The following FOXK1 variants were observed in gnomAD, a reference collection of about 807,000 sequenced individuals.
The protein encoded by FOXK1 is forkhead box protein K1.
FOXK1 carries 19 observed loss-of-function variants against 51.9 expected under a neutral mutation model. The ratio of observed to expected loss-of-function variants is 0.37; its 90% CI spans 0.26 to 0.54. FOXK1 has a LOEUF of 0.54. Ranked by LOEUF, FOXK1 falls within the 20% of genes least tolerant of loss-of-function variation. The pLI is 0.87. For missense variants in FOXK1, 870 were observed against 1,032.7 expected, an observed-to-expected ratio of 0.84 and a Z score of 2.16; for synonymous variants, 537 against 482.6, an observed-to-expected ratio of 1.11 and a Z score of -1.48.
intron 1 of FOXK1, among the ~76,000 whole-genome samples, chr7:4,697,741 CTG>C (rs57978112): frequency 0.22 from 29,225 of 134,892 alleles, 3,043 homozygotes; most frequent in East Asian, 0.33. Flanking sequence ...GAAAGATAGG[CTG>C]TGTGTGTGTG....
rs1457462961 is a variant in FOXK1, at chr7:4,709,241, C to A, written c.560+26373C>A. On this transcript the variant is annotated intron_variant, in intron 1 of 8. Coordinates refer to ENST00000328914, the MANE Select transcript of FOXK1 (RefSeq NM_001037165.2). This position sits in a 1 kb window ranked among gnomAD's most constrained non-coding sequence, Gnocchi z 5.6. ...GCTATTTGCTGCCTGGCATCCCCAC[C>A]CTGTCATCCCGAGAATCCCACTGCA... Among the ~76,000 whole-genome samples, 1 of 152,146 alleles carries A rather than the reference C, an allele frequency of 6.6e-6. No homozygotes were observed. The highest frequency in any genetic ancestry group is 1.9e-4 in the East Asian group (1 of 5,196).
chr7:4,696,134 A>AT (rs1267001325), intron 1 of FOXK1, among the ~76,000 whole-genome samples: 1 of 147,542 alleles, frequency 6.8e-6, no homozygotes. Context: ...AAAAAAAAAA[A>AT]GAATCTTGTG....
intron 1 of FOXK1, among the ~76,000 whole-genome samples, chr7:4,693,153 G>A (rs1779915034): frequency 1.3e-5 from 2 of 152,110 alleles, no homozygotes; most frequent in South Asian, 4.1e-4. Context: ...TTGGCCATTG[G>A]CAAGAATATT....
At chr7:4,684,922 C>T (rs755905734) in intron 1 of FOXK1, among the ~76,000 whole-genome samples, 28 of 151,606 alleles carry the variant, frequency 1.8e-4, no homozygotes, top group Middle Eastern at 3.4e-3. Context: ...GAAATGTTAT[C>T]GGTGTATACA....
Position 4,762,802 on chromosome 7 carries a change from C to T in FOXK1, c.*338C>T, listed in dbSNP as rs1780954261. ...CAGCATCTTGAGGAATGTGTCAAGA[C>T]AGCCCCTCCGCTCCGCGCTGCACGG... On this transcript the variant is annotated 3_prime_UTR_variant, in exon 9 of 9. Coordinates refer to ENST00000328914, the MANE Select transcript of FOXK1 (RefSeq NM_001037165.2). The surrounding 1 kb of genome is among the most constrained non-coding windows in gnomAD (Gnocchi z 5.7). 1.0e-4 allele frequency: 33 copies of T among 316,578 alleles called. No homozygotes were observed. The South Asian group carries it at 1.2e-3, about 11-fold the overall frequency. The allele number at this position is 316,578 out of a possible 1,614,324, so 19.6% of individuals were successfully genotyped here. A position where few individuals can be genotyped will look rare whatever the true frequency, so the allele number is the denominator to read the frequency against.
intron 1 of FOXK1, among the ~76,000 whole-genome samples, chr7:4,691,942 CA>C (rs1483225959): frequency 6.6e-6 from 1 of 152,154 alleles, no homozygotes. Flanking sequence ...CAGCAATTCC[CA>C]GATTTGTTTT....
intron 1 of FOXK1, among the ~76,000 whole-genome samples, chr7:4,689,225 A>G (rs1779860167): frequency 1.3e-5 from 2 of 151,712 alleles, no homozygotes; most frequent in South Asian, 4.2e-4. Context: ...TGATCCGCCC[A>G]CCTCAGCCTC....
intron 1 of FOXK1, among the ~76,000 whole-genome samples, chr7:4,701,625 G>A (rs768677889): frequency 2.0e-4 from 31 of 152,234 alleles, no homozygotes; most frequent in Non-Finnish European, 3.8e-4. Context: ...AGGCGCAGTG[G>A]CTCACGCCTG....
At position 4,749,232 on chromosome 7, in the gene FOXK1, C is replaced by T. The variant is rs930964134; in HGVS notation, c.747-5227C>T. ...CCTACAGAGACGGCATCGTTACCTC[C>T]CTAGGGACGGGAACCATGTTTCATC... On this transcript the variant is annotated intron_variant, in intron 2 of 8. Coordinates refer to ENST00000328914, the MANE Select transcript of FOXK1 (RefSeq NM_001037165.2). This position sits in a 1 kb window ranked among gnomAD's most constrained non-coding sequence, Gnocchi z 6.0. Among the ~76,000 whole-genome samples, 14 of 152,188 alleles carry T rather than the reference C, an allele frequency of 9.2e-5. No individual in the cohort carries two copies. Among genetic ancestry groups the T allele is most frequent in the Admixed American group, 7.9e-4 (12 of 15,282 alleles).
rs561749527 is a variant in FOXK1, at chr7:4,724,357, G to A, written c.561-16481G>A. Among the ~76,000 whole-genome samples the A allele has an allele frequency of 1.2e-4, 19 of 152,194 alleles. 1 individual carries two copies. Among genetic ancestry groups the A allele is most frequent in the South Asian group, 2.1e-4 (1 of 4,808 alleles). ...ATTACAGGCACCCACCACCACGCCCGGCTAATTTATGTATTTTTTTGTAGA... is the reference window on the plus strand; with the variant it reads ...ATTACAGGCACCCACCACCACGCCCAGCTAATTTATGTATTTTTTTGTAGA... On this transcript the variant is annotated intron_variant, in intron 1 of 8. Transcript: ENST00000328914.
At chr7:4,759,901 C>T (rs111935056) in intron 7 of FOXK1, 47,886 of 464,058 alleles carry the variant, frequency 0.1, 2,874 homozygotes, top group East Asian at 0.14. Flanking sequence ...CATGATGATG[C>T]GCTCCTGTAG....
intron 2 of FOXK1, among the ~76,000 whole-genome samples, chr7:4,750,324 C>T (rs1397717132): frequency 1.3e-5 from 2 of 152,146 alleles, no homozygotes; most frequent in Admixed American, 6.5e-5. Flanking sequence ...GGAGTGATTC[C>T]CTGTTTCCTG....
At position 4,722,049 on chromosome 7, in the gene FOXK1, A is replaced by G. The variant is rs961590728; in HGVS notation, c.561-18789A>G. On this transcript the variant is annotated intron_variant, in intron 1 of 8. Coordinates refer to ENST00000328914, the MANE Select transcript of FOXK1 (RefSeq NM_001037165.2). This position sits in a 1 kb window ranked among gnomAD's most constrained non-coding sequence, Gnocchi z 5.1. ...GAGACTGGTGACCCCGCTGCATCCC[A>G]TACCCTCCACCCATCCCAGCAGCCT... Among the ~76,000 whole-genome samples the G allele has an allele frequency of 6.6e-6, 1 of 152,194 alleles. No individual in the cohort carries two copies. Among genetic ancestry groups the G allele is most frequent in the African/African-American group, 2.4e-5 (1 of 41,458 alleles).
rs1270666416 is a variant in FOXK1, at chr7:4,735,021, G to A, written c.561-5817G>A. Among the ~76,000 whole-genome samples the A allele has an allele frequency of 2.0e-5, 3 of 152,172 alleles. No homozygotes were observed. The highest frequency in any genetic ancestry group is 2.9e-5 in the Non-Finnish European group (2 of 68,034). On this transcript the variant is annotated intron_variant, in intron 1 of 8. Transcript: ENST00000328914. The surrounding 1 kb of genome is among the most constrained non-coding windows in gnomAD (Gnocchi z 4.7). ...TTATATTTATGTCATCGAGAATTAAGTGAGCTATTTTTATTTTCCTGACAG... is the reference window on the plus strand; with the variant it reads ...TTATATTTATGTCATCGAGAATTAAATGAGCTATTTTTATTTTCCTGACAG...
chr7:4,754,246 G>A (rs1583210546), intron 2 of FOXK1, among the ~76,000 whole-genome samples: 1 of 152,380 alleles, frequency 6.6e-6, no homozygotes, highest in East Asian at 1.9e-4. Context: ...CCCCCGAGCA[G>A]AAGTCACCAC....
In FOXK1 at chr7:4,722,618, C is replaced by G. The variant is rs1780329513; in HGVS notation, c.561-18220C>G. Among the ~76,000 whole-genome samples, 1 of 152,266 alleles carries G rather than the reference C, an allele frequency of 6.6e-6. No homozygotes were observed. Among genetic ancestry groups the G allele is most frequent in the African/African-American group, 2.4e-5 (1 of 41,472 alleles). On this transcript the variant is annotated intron_variant, in intron 1 of 8. Coordinates refer to ENST00000328914, the MANE Select transcript of FOXK1 (RefSeq NM_001037165.2). This position sits in a 1 kb window ranked among gnomAD's most constrained non-coding sequence, Gnocchi z 5.1. ...GGCACACATGCACGTCAGCCGCACA[C>G]TCATGCACGTTCATGTGCTGTCTCT...
In FOXK1 at chr7:4,723,807, A is replaced by G. The variant is rs1392362375; in HGVS notation, c.561-17031A>G. 6.6e-6 allele frequency among the ~76,000 whole-genome samples: 1 copy of G among 152,048 alleles called. No homozygotes were observed. The highest frequency in any genetic ancestry group is 2.4e-5 in the African/African-American group (1 of 41,416). ...CTCAGCCTCCCAAATAGCTGAGACT[A>G]CCAGTGTGCACCACCACACCTGGCT... On this transcript the variant is annotated intron_variant, in intron 1 of 8. Transcript: ENST00000328914. The surrounding 1 kb of genome is among the most constrained non-coding windows in gnomAD (Gnocchi z 4.7).
chr7:4,741,551 G>T (rs752765904), intron 2 of FOXK1, among the ~76,000 whole-genome samples: 1 of 152,064 alleles, frequency 6.6e-6, no homozygotes, highest in African/African-American at 2.4e-5. Flanking sequence ...TGCTGGTCTC[G>T]AACTCCCAAC....
Position 4,728,850 on chromosome 7 carries a change from G to T in FOXK1, c.561-11988G>T, listed in dbSNP as rs369347606. On this transcript the variant is annotated intron_variant, in intron 1 of 8. Transcript: ENST00000328914. ...ATAGAGAAGGGGACCCTGGGGAACA[G>T]TCTTAGAGGACGCAAAGTCTATGCA... is the stretch of plus-strand genomic sequence containing the variant. Among the ~76,000 whole-genome samples, 23 of 152,232 alleles carry T rather than the reference G, an allele frequency of 1.5e-4. No homozygotes were observed. In the East Asian group the frequency reaches 4.2e-3, roughly 28 times the overall value.
Sources: allele counts gnomAD v4.1 joint callset (sites outside exome capture counted in the v4.1 genomes callset), GRCh38; gene constraint gnomAD v4.1.1; non-coding constraint Gnocchi (gnomAD v3.1); transcripts MANE v1.5; gene names NCBI Gene and HGNC (gene_info 2026-07-23, HGNC 2026-07-21).